The following C1orf141 variants were observed in gnomAD, a reference collection of about 807,000 sequenced individuals.
C1orf141 encodes uncharacterized protein C1orf141.
C1orf141 carries 19 observed loss-of-function variants against 23.2 expected under a neutral mutation model. That is an observed-to-expected ratio of 0.82 (90% CI 0.57 to 1.20). C1orf141 has a LOEUF of 1.20. Among genes scored for constraint, C1orf141 ranks in the 50% most tolerant of loss-of-function variants. The probability of loss-of-function intolerance (pLI) is 0.00; values close to 1 mark genes in which losing one functional copy is unlikely to be tolerated. For synonymous variants in C1orf141, 153 were observed against 154.6 expected (o/e 0.99, Z 0.08); for missense variants, 469 against 455.1 (o/e 1.03, Z -0.28).
chr1:67,133,571 G>C (rs79084689), intron 1 of C1orf141, among the ~76,000 whole-genome samples: 2 of 152,036 alleles, frequency 1.3e-5, no homozygotes, highest in African/African-American at 4.8e-5. Flanking sequence ...CCCTAAATTC[G>C]TATGTTGAAG....
At chr1:67,141,238 G>A (rs952098444) in intron 1 of C1orf141, among the ~76,000 whole-genome samples, 6 of 152,072 alleles carry the variant, frequency 3.9e-5, no homozygotes, top group Non-Finnish European at 8.8e-5. Flanking sequence ...ATCTTAGGGT[G>A]GTAAAGTATA....
intron 4 of C1orf141, among the ~76,000 whole-genome samples, chr1:67,124,330 T>C (rs960307503): frequency 1.3e-5 from 2 of 152,102 alleles, no homozygotes; most frequent in African/African-American, 4.8e-5. Context: ...GTTTGTTTTT[T>C]GAGATGGAGT....
intron 1 of C1orf141, among the ~76,000 whole-genome samples, chr1:67,133,852 A>G (rs1351150642): frequency 1.3e-5 from 2 of 152,214 alleles, no homozygotes; most frequent in Non-Finnish European, 2.9e-5. Flanking sequence ...TAGAACTGTA[A>G]GAAAACAAAT....
chr1:67,093,439 T>A lies in C1orf141; in HGVS notation c.769A>T (p.Ile257Leu). 1.9e-6 allele frequency: 3 copies of A among 1,611,434 alleles called. No homozygotes were observed. The highest frequency in any genetic ancestry group is 2.5e-6 in the Non-Finnish European group (3 of 1,178,054). ...LERNCEILKS[I>L]IGNQSISLFK... ...AGAGAAATAGATTGATTGCCAATTA[T>A]AGATTTGAGGATTTCACAATTTCTT... is the stretch of plus-strand genomic sequence containing the variant. Residue 257 changes from isoleucine to leucine, a missense_variant, in exon 8 of 8, where the codon ATA becomes TTA. Coordinates refer to ENST00000684719, the MANE Select transcript of C1orf141 (RefSeq NM_001276351.2).
chr1:67,135,088 T>C (rs1646574121), upstream of C1orf141: 3 of 152,322 alleles, frequency 2.0e-5, no homozygotes, highest in Admixed American at 6.5e-5. Context: ...CAGAGGGGCT[T>C]CGCCCACAGA....
At chr1:67,117,771 A>C (rs998529225) in intron 4 of C1orf141, among the ~76,000 whole-genome samples, 1 of 152,184 alleles carries the variant, frequency 6.6e-6, no homozygotes, top group African/African-American at 2.4e-5. Context: ...ATATTGCTAA[A>C]GTATGTTTTT....
chr1:67,113,275 T>C (rs1646117803), intron 5 of C1orf141, among the ~76,000 whole-genome samples: 1 of 152,042 alleles, frequency 6.6e-6, no homozygotes, highest in African/African-American at 2.4e-5. Flanking sequence ...CCACCCTGCC[T>C]GGTTGAAGAT....
chr1:67,104,336 G>T (rs1413475153), intron 5 of C1orf141, among the ~76,000 whole-genome samples: 1 of 152,058 alleles, frequency 6.6e-6, no homozygotes, highest in African/African-American at 2.4e-5. Context: ...CATAAGACAG[G>T]CAGAAAAATA....
At chr1:67,132,983 A>T (rs1048952385) in intron 1 of C1orf141, among the ~76,000 whole-genome samples, 3 of 152,252 alleles carry the variant, frequency 2.0e-5, no homozygotes, top group Admixed American at 1.3e-4. Context: ...ACAGTGAATC[A>T]TCTACAGGCC....
At chr1:67,129,184 G>A (rs1288339634) in intron 2 of C1orf141, among the ~76,000 whole-genome samples, 1 of 152,076 alleles carries the variant, frequency 6.6e-6, no homozygotes, top group Non-Finnish European at 1.5e-5. Flanking sequence ...TGCTGGGTGT[G>A]GTGGTGTGTG....
At chr1:67,138,655 G>A (rs1189177039), upstream of C1orf141, among the ~76,000 whole-genome samples, 1 of 152,136 alleles carries the variant, frequency 6.6e-6, no homozygotes, top group Non-Finnish European at 1.5e-5. Context: ...GTTGAACTGA[G>A]TTCTGATTGT....
At chr1:67,126,841 G>C (rs1247881735) in intron 3 of C1orf141, among the ~76,000 whole-genome samples, 1 of 152,192 alleles carries the variant, frequency 6.6e-6, no homozygotes, top group Non-Finnish European at 1.5e-5. Flanking sequence ...ATTTACCTCA[G>C]AGAAATGGAA....
At chr1:67,125,718 T>C (rs1344870146) in intron 4 of C1orf141, 34 bp downstream of exon 4, 1 of 1,597,334 alleles carries the variant, frequency 6.3e-7, no homozygotes, top group South Asian at 1.1e-5. Flanking sequence ...AAACAAATTC[T>C]GAACTGAAAA....
At chr1:67,121,960 A>G (rs1646308616) in intron 4 of C1orf141, 1 of 152,342 alleles carries the variant, frequency 6.6e-6, no homozygotes, top group East Asian at 1.9e-4. Context: ...GAGGGGTGAG[A>G]TCAAAATACT....
chr1:67,103,200 C>G, intron 5 of C1orf141: 7 of 1,223,192 alleles, frequency 5.7e-6, no homozygotes, highest in Non-Finnish European at 7.7e-6. Context: ...GTGCAGATAA[C>G]TTTCAGTTAT....
At chr1:67,139,955 A>G (rs1436230631), upstream of C1orf141, among the ~76,000 whole-genome samples, 6 of 152,148 alleles carry the variant, frequency 3.9e-5, no homozygotes, top group Admixed American at 3.3e-4. Flanking sequence ...TGGTGGTTTT[A>G]TAAGAAAAGG....
At chr1:67,130,143 T>C in intron 2 of C1orf141, among the ~76,000 whole-genome samples, 1 of 152,186 alleles carries the variant, frequency 6.6e-6, no homozygotes, top group Admixed American at 6.5e-5. Context: ...CCAAGAAACA[T>C]CCCTCTTGTA....
At chr1:67,138,248 G>A (rs572456273), upstream of C1orf141, among the ~76,000 whole-genome samples, 3 of 151,958 alleles carry the variant, frequency 2.0e-5, no homozygotes, top group African/African-American at 7.3e-5. Context: ...GCTCTAACAG[G>A]TCCTCTCTGA....
At chr1:67,125,260 A>G (rs978813088) in intron 4 of C1orf141, among the ~76,000 whole-genome samples, 1 of 152,202 alleles carries the variant, frequency 6.6e-6, no homozygotes, top group Non-Finnish European at 1.5e-5. Flanking sequence ...GTAAAATATT[A>G]TACATAATAA....
Sources: allele counts gnomAD v4.1 joint callset (sites outside exome capture counted in the v4.1 genomes callset), GRCh38; gene constraint gnomAD v4.1.1; transcripts MANE v1.5; gene names NCBI Gene and HGNC (gene_info 2026-07-23, HGNC 2026-07-21).